The following SCNN1A variants were observed in gnomAD, a reference collection of about 807,000 sequenced individuals.
SCNN1A encodes epithelial sodium channel subunit alpha.
A neutral mutation model predicts 68.6 loss-of-function variants in SCNN1A; 65 were observed. That is an observed-to-expected ratio of 0.95 (90% CI 0.78 to 1.16). SCNN1A has a LOEUF of 1.16. Ranked by LOEUF, SCNN1A falls within the 50% of genes most tolerant of loss-of-function variation. The probability of loss-of-function intolerance (pLI) is 0.00; values close to 1 mark genes in which losing one functional copy is unlikely to be tolerated. For missense variants in SCNN1A, 880 were observed against 865.9 expected (o/e 1.02, Z -0.20); for synonymous variants, 357 against 353.3 (o/e 1.01, Z -0.12).
chr12:6,354,836 T>G lies in SCNN1A; in HGVS notation c.1156A>C (p.Arg386=). Residue 386 remains arginine (R), a synonymous_variant, in exon 7 of 13, where the codon AGA becomes CGA. Coordinates refer to ENST00000228916, the MANE Select transcript of SCNN1A (RefSeq NM_001038.6). ...SISMRKETLD[R]LGGDYGDCTK... is the part of the protein sequence containing the mutation. ...CAGTCGCCATAATCGCCCCCAAGTCTGTCCAGGGTTTCCTATGAACCCACA... is the reference window on the plus strand; with the variant it reads ...CAGTCGCCATAATCGCCCCCAAGTCGGTCCAGGGTTTCCTATGAACCCACA... 6.2e-7 allele frequency: 1 copy of G among 1,613,882 alleles called. No individual in the cohort carries two copies. Among genetic ancestry groups the G allele is most frequent in the East Asian group, 2.2e-5 (1 of 44,876 alleles).
In SCNN1A at chr12:6,363,617, G is replaced by A. The variant is rs1205365131; in HGVS notation, c.510C>T (p.Leu170=). 19 of 1,613,224 alleles carry A rather than the reference G, an allele frequency of 1.2e-5. No homozygotes were observed. The highest frequency in any genetic ancestry group is 1.6e-5 in the Non-Finnish European group (19 of 1,179,624). Residue 170 remains leucine (L), a synonymous_variant, in exon 3 of 13, where the codon CTC becomes CTT. Coordinates refer to ENST00000228916, the MANE Select transcript of SCNN1A (RefSeq NM_001038.6). The part of the protein sequence containing the change: ...DLYKYSSFTT[L]VAGSRSRRDL... ...CGCGACGGCTGCGGGAGCCGGCCAC[G>A]AGAGTGGTGAAGGAGCTGTATTTGT...
rs1948579487 is a variant in SCNN1A, at chr12:6,361,572, G to A, written c.875+479C>T. On this transcript the variant is annotated intron_variant, in intron 4 of 12. Coordinates refer to ENST00000228916, the MANE Select transcript of SCNN1A (RefSeq NM_001038.6). ...CTGACCAACATGGACGTTGACCAAC[G>A]TCTCTACTAAAAATAAAAAAATTAG... Among the ~76,000 whole-genome samples the A allele has an allele frequency of 2.0e-5, 3 of 151,978 alleles. No individual in the cohort carries two copies. In the South Asian group the frequency reaches 6.2e-4, roughly 32 times the overall value.
intron 2 of SCNN1A, among the ~76,000 whole-genome samples, chr12:6,369,915 A>G (rs1948756981): frequency 6.6e-6 from 1 of 151,876 alleles, no homozygotes; most frequent in African/African-American, 2.4e-5. Flanking sequence ...AGAGCCTTTG[A>G]GTTGACACCT....
chr12:6,371,671 T>C (rs1397564338), intron 2 of SCNN1A, among the ~76,000 whole-genome samples: 1 of 151,988 alleles, frequency 6.6e-6, no homozygotes, highest in African/African-American at 2.4e-5. Flanking sequence ...AGTTTCCTCA[T>C]CCATAAAATA....
At chr12:6,357,294 T>C (rs1592069501) in intron 4 of SCNN1A, among the ~76,000 whole-genome samples, 1 of 150,468 alleles carries the variant, frequency 6.6e-6, no homozygotes, top group Non-Finnish European at 1.5e-5. Context: ...AAAAAAGTGG[T>C]GGGGCACAGT....
chr12:6,349,819 C>A (rs911130296), intron 8 of SCNN1A: 9 of 200,256 alleles, frequency 4.5e-5, no homozygotes. Context: ...CTCCGCCTCC[C>A]GGGTTCATAC....
rs1485240926 is a variant in SCNN1A, at chr12:6,374,126, C to T, written c.416+242G>A. Among the ~76,000 whole-genome samples, 1 of 152,166 alleles carries T rather than the reference C, an allele frequency of 6.6e-6. No individual in the cohort carries two copies. The highest frequency in any genetic ancestry group is 1.5e-5 in the Non-Finnish European group (1 of 68,022). The stretch of plus-strand genomic sequence containing the variant: ...AAGGAGAAGAGAGGGCAGGGGAGGG[C>T]AATGCTGCTCCAACAACCACACTCT... On this transcript the variant is annotated intron_variant, in intron 2 of 12. Coordinates refer to ENST00000228916, the MANE Select transcript of SCNN1A (RefSeq NM_001038.6). This position sits in a 1 kb window ranked among gnomAD's most constrained non-coding sequence, Gnocchi z 6.2.
At position 6,372,729 on chromosome 12, in the gene SCNN1A, AAAGGGGTG is replaced by A. The variant is rs973565852; in HGVS notation, c.416+1631_416+1638del. On this transcript the variant is annotated intron_variant, in intron 2 of 12. Transcript: ENST00000228916. This position sits in a 1 kb window ranked among gnomAD's most constrained non-coding sequence, Gnocchi z 5.8. The stretch of plus-strand genomic sequence containing the variant: ...GGGTCCCTCCCCTCCACCAAGGCCT[AAAGGGGTG>A]AAGATGTCTGCAGGCAGCAGGGGGA... 4.0e-5 allele frequency among the ~76,000 whole-genome samples: 6 copies of A among 150,862 alleles called. No individual in the cohort carries two copies. Among genetic ancestry groups the A allele is most frequent in the African/African-American group, 1.2e-4 (5 of 40,266 alleles).
intron 2 of SCNN1A, among the ~76,000 whole-genome samples, chr12:6,365,528 G>T (rs1337149257): frequency 1.3e-5 from 2 of 152,204 alleles, no homozygotes; most frequent in East Asian, 3.8e-4. Context: ...GAATAGAATA[G>T]AGTCCAGAAA....
At chr12:6,373,162 C>T (rs955829267) in intron 2 of SCNN1A, among the ~76,000 whole-genome samples, 7 of 151,830 alleles carry the variant, frequency 4.6e-5, no homozygotes, top group South Asian at 2.1e-4. Context: ...CAGGACAGGA[C>T]GTCCCACCCT....
chr12:6,354,639 C>T, intron 7 of SCNN1A, 84 bp from the exon 8 acceptor site: 1 of 1,415,424 alleles, frequency 7.1e-7, no homozygotes, highest in African/African-American at 1.4e-5. Flanking sequence ...CCTCTTTCCA[C>T]CACCCCCCAG....
In SCNN1A at chr12:6,374,406, G is replaced by A; in HGVS notation, c.378C>T (p.Val126=). The part of the protein sequence containing the change: ...LNINLNSDKL[V]FPAVTICTLN... ...GGGTGCAGATGGTCACTGCGGGGAA[G>A]ACGAGCTTGTCCGAGTTGAGGTTGA... is the stretch of plus-strand genomic sequence containing the variant. Residue 126 remains valine (V), a synonymous_variant, in exon 2 of 13, where the codon GTC becomes GTT. Transcript: ENST00000228916. This position sits in a 1 kb window ranked among gnomAD's most constrained non-coding sequence, Gnocchi z 6.2. 4.3e-6 allele frequency: 7 copies of A among 1,614,256 alleles called. No individual in the cohort carries two copies. Among genetic ancestry groups the A allele is most frequent in the Non-Finnish European group, 5.9e-6 (7 of 1,180,042 alleles).
chr12:6,347,896 T>G lies in SCNN1A; in HGVS notation c.1987A>C (p.Thr663Pro), dbSNP rs2228576. 6.3e-7 allele frequency: 1 copy of G among 1,598,214 alleles called. No homozygotes were observed. Among genetic ancestry groups the G allele is most frequent in the South Asian group, 1.1e-5 (1 of 89,062 alleles). ...TCTCAGGGCCCCCCCAGAGGACAGG[T>G]GGAGGAACTGGCCCCTGCAGAGCCC... is the stretch of plus-strand genomic sequence containing the variant. ...PGGSAGASSSTCPLGGP is the reference protein window; with the variant it reads ...PGGSAGASSSPCPLGGP Residue 663 changes from threonine (T) to proline (P), a missense_variant, in exon 13 of 13, where the codon ACC becomes CCC. Transcript: ENST00000228916.
upstream of SCNN1A, among the ~76,000 whole-genome samples, chr12:6,376,432 C>T (rs1161686911): frequency 1.3e-5 from 2 of 152,120 alleles, no homozygotes; most frequent in Non-Finnish European, 2.9e-5. Context: ...GCGAGGGCCA[C>T]GCAGGACACT....
intron 6 of SCNN1A, 104 bp downstream of exon 6, chr12:6,355,168 C>G (rs2136867377): frequency 7.5e-7 from 1 of 1,332,216 alleles, no homozygotes; most frequent in African/African-American, 1.5e-5. Context: ...TCCACATGCT[C>G]AAGGCCCACC....
intron 2 of SCNN1A, among the ~76,000 whole-genome samples, chr12:6,369,310 A>AT (rs1246656467): frequency 1.5e-5 from 2 of 135,218 alleles, no homozygotes. Flanking sequence ...CCCTCCTGCC[A>AT]CCCTACGCAC....
At chr12:6,349,283 A>T in intron 9 of SCNN1A, 44 bp downstream of exon 9, 1 of 1,613,342 alleles carries the variant, frequency 6.2e-7, no homozygotes, top group Non-Finnish European at 8.5e-7. Context: ...TGGCTCGGTA[A>T]CCTGTATTCT....
In SCNN1A at chr12:6,374,433, G is replaced by A. The variant is rs769881891; in HGVS notation, c.351C>T (p.Asn117=). 6.2e-7 allele frequency: 1 copy of A among 1,614,246 alleles called. No homozygotes were observed. Among genetic ancestry groups the A allele is most frequent in the East Asian group, 2.2e-5 (1 of 44,894 alleles). Residue 117 remains asparagine (N), a synonymous_variant, in exon 2 of 13, where the codon AAC becomes AAT. Coordinates refer to ENST00000228916, the MANE Select transcript of SCNN1A (RefSeq NM_001038.6). The surrounding 1 kb of genome is among the most constrained non-coding windows in gnomAD (Gnocchi z 6.2). The part of the protein sequence containing the change: ...GEYFSYPVSL[N]INLNSDKLVF... ...CGAGCTTGTCCGAGTTGAGGTTGAT[G>A]TTGAGGCTGACGGGGTAGCTGAAGT...
chr12:6,349,772 G>T, intron 8 of SCNN1A: 1 of 247,180 alleles, frequency 4.0e-6, no homozygotes, highest in South Asian at 4.6e-5. Context: ...TGTTGCCCAC[G>T]CTAGAGTGCA....
Sources: allele counts gnomAD v4.1 joint callset (sites outside exome capture counted in the v4.1 genomes callset), GRCh38; gene constraint gnomAD v4.1.1; non-coding constraint Gnocchi (gnomAD v3.1); transcripts MANE v1.5; gene names NCBI Gene and HGNC (gene_info 2026-07-23, HGNC 2026-07-21).